The following MPP7 variants were observed in gnomAD, a reference collection of about 807,000 sequenced individuals.
The protein encoded by MPP7 is MAGUK p55 subfamily member 7.
MPP7 carries 60 observed loss-of-function variants against 76.5 expected under a neutral mutation model. That is an observed-to-expected ratio of 0.78 (90% CI 0.64 to 0.97). MPP7 has a LOEUF of 0.97. Among genes scored for constraint, MPP7 ranks in the 50% least tolerant of loss-of-function variants. MPP7 has a pLI of 0.00. For synonymous variants in MPP7, 237 were observed against 244.5 expected, an observed-to-expected ratio of 0.97 and a Z score of 0.29; for missense variants, 641 against 694.0, an observed-to-expected ratio of 0.92 and a Z score of 0.86.
At chr10:28,250,699 A>G (rs1839588456) in intron 1 of MPP7, among the ~76,000 whole-genome samples, 1 of 152,194 alleles carries the variant, frequency 6.6e-6, no homozygotes. Flanking sequence ...AATCACACCA[A>G]CACCCTCTCT....
chr10:28,062,339 G>A (rs1478584865), intron 13 of MPP7, among the ~76,000 whole-genome samples: 1 of 151,882 alleles, frequency 6.6e-6, no homozygotes, highest in African/African-American at 2.4e-5. Context: ...TTAATATTCA[G>A]AGCAACCAGT....
At chr10:28,280,673 A>G (rs931826362) in intron 1 of MPP7, among the ~76,000 whole-genome samples, 2 of 152,078 alleles carry the variant, frequency 1.3e-5, no homozygotes, top group Non-Finnish European at 2.9e-5. Flanking sequence ...GCAACAGAGT[A>G]ATAAAGTTTC....
At chr10:28,179,319 C>T (rs1836982303) in intron 3 of MPP7, among the ~76,000 whole-genome samples, 1 of 152,078 alleles carries the variant, frequency 6.6e-6, no homozygotes, top group Admixed American at 6.5e-5. Flanking sequence ...AAAACCTGTC[C>T]CTATCTCAGT....
At chr10:28,150,999 A>G (rs1259533062) in intron 3 of MPP7, among the ~76,000 whole-genome samples, 5 of 152,158 alleles carry the variant, frequency 3.3e-5, no homozygotes, top group African/African-American at 9.7e-5. Context: ...CTTTTTATTT[A>G]TAGTTGAAGA....
At chr10:28,230,130 A>G (rs1838832540) in intron 2 of MPP7, among the ~76,000 whole-genome samples, 1 of 152,202 alleles carries the variant, frequency 6.6e-6, no homozygotes, top group Non-Finnish European at 1.5e-5. Flanking sequence ...AAAACAACAG[A>G]AAGAGAATGT....
intron 3 of MPP7, among the ~76,000 whole-genome samples, chr10:28,187,219 C>T (rs1937809): frequency 0.83 from 125,523 of 152,148 alleles, 52,404 homozygotes; most frequent in African/African-American, 0.89. Context: ...ATATGGCTCC[C>T]AATTTCTCAT....
intron 3 of MPP7, among the ~76,000 whole-genome samples, chr10:28,184,347 T>A (rs1438153288): frequency 6.7e-6 from 1 of 148,320 alleles, no homozygotes; most frequent in Non-Finnish European, 1.5e-5. Context: ...AAATGTATCT[T>A]TATCTTAATA....
intron 3 of MPP7, among the ~76,000 whole-genome samples, chr10:28,177,063 A>T (rs990289993): frequency 6.6e-6 from 1 of 151,744 alleles, no homozygotes; most frequent in Non-Finnish European, 1.5e-5. Context: ...AAAAACAAGA[A>T]TAATTGCAGT....
chr10:28,055,059 T>G (rs1377236352), intron 16 of MPP7, among the ~76,000 whole-genome samples: 2 of 152,216 alleles, frequency 1.3e-5, no homozygotes, highest in Non-Finnish European at 2.9e-5. Context: ...AGGAAGTATT[T>G]TAGTTGGCTA....
rs1010548591 is a variant in MPP7, at chr10:28,094,161, C to T, written c.953-4320G>A. Among the ~76,000 whole-genome samples the T allele has an allele frequency of 3.3e-5, 5 of 152,292 alleles. No homozygotes were observed. The East Asian group carries it at 9.6e-4, about 29-fold the overall frequency. On this transcript the variant is annotated intron_variant, in intron 11 of 16. Transcript: ENST00000683449. Reference sequence around the variant, plus strand: ...AGCCATACGCTGCACTTGTTCACATCGGTTTTTCAGTAGCAACAGCAATCA... The same window carrying T: ...AGCCATACGCTGCACTTGTTCACATTGGTTTTTCAGTAGCAACAGCAATCA...
At position 28,317,432 on chromosome 10, in the gene MPP7, G is replaced by C; in HGVS notation, c.-132+12497C>G. Among the ~76,000 whole-genome samples the C allele has an allele frequency of 1.3e-5, 2 of 152,164 alleles. 1 individual carries two copies. Among genetic ancestry groups the C allele is most frequent in the Non-Finnish European group, 2.9e-5 (2 of 68,028 alleles). Reference sequence around the variant, plus strand: ...TGTAGCCTCAACTACTTGCGAGGCTGAGGCAGGAGGATTACTTGAGCTCAA... The same window carrying C: ...TGTAGCCTCAACTACTTGCGAGGCTCAGGCAGGAGGATTACTTGAGCTCAA... On this transcript the variant is annotated intron_variant, in intron 2 of 11. Coordinates refer to the MPP7 transcript ENST00000441595.
intron 11 of MPP7, among the ~76,000 whole-genome samples, chr10:28,113,642 A>AG (rs1834572972): frequency 6.6e-6 from 1 of 152,152 alleles, no homozygotes. Flanking sequence ...CACTGCAGAC[A>AG]GCCACGACCA....
At chr10:28,134,786 A>C (rs941855349) in intron 5 of MPP7, among the ~76,000 whole-genome samples, 7 of 151,766 alleles carry the variant, frequency 4.6e-5, no homozygotes, top group African/African-American at 1.7e-4. Context: ...AAAAGTACTC[A>C]GAGCAAAAAA....
chr10:28,210,861 T>C (rs1368011986), intron 2 of MPP7, among the ~76,000 whole-genome samples: 1 of 152,240 alleles, frequency 6.6e-6, no homozygotes, highest in African/African-American at 2.4e-5. Context: ...TGTAAGACCA[T>C]AATCTTAATT....
intron 2 of MPP7, among the ~76,000 whole-genome samples, chr10:28,212,869 A>G (rs1018620536): frequency 5.3e-5 from 8 of 152,288 alleles, no homozygotes; most frequent in African/African-American, 1.9e-4. Flanking sequence ...AATGTAGAAG[A>G]CTGAATGAGG....
chr10:28,131,745 T>C (rs1480809368), intron 5 of MPP7, 54 bp from the exon 6 acceptor site: 9 of 852,394 alleles, frequency 1.1e-5, no homozygotes, highest in East Asian at 6.0e-5. Context: ...TTATATATTA[T>C]ATGTAATATA....
At chr10:28,248,621 TAC>T (rs1195117504) in intron 1 of MPP7, among the ~76,000 whole-genome samples, 2 of 152,208 alleles carry the variant, frequency 1.3e-5, no homozygotes, top group Non-Finnish European at 2.9e-5. Context: ...TTTACTAGAA[TAC>T]AGTCAATGCG....
intron 11 of MPP7, among the ~76,000 whole-genome samples, chr10:28,105,594 G>T (rs1035938769): frequency 6.6e-6 from 1 of 152,096 alleles, no homozygotes; most frequent in Non-Finnish European, 1.5e-5. Context: ...CGCAATCTCC[G>T]CCTCCTAAAT....
At chr10:28,190,143 T>G (rs942191306) in intron 3 of MPP7, among the ~76,000 whole-genome samples, 1 of 152,100 alleles carries the variant, frequency 6.6e-6, no homozygotes, top group Non-Finnish European at 1.5e-5. Context: ...TAAATGTGTA[T>G]GCACCTAAAA....
Sources: gnomAD v4.1 joint callset for allele counts (sites outside exome capture counted in the v4.1 genomes callset) on GRCh38, gnomAD v4.1.1 for gene constraint, MANE v1.5 for transcripts, NCBI Gene and HGNC (gene_info 2026-07-23, HGNC 2026-07-21) for gene names.